The following ARHGEF33 variants were observed in gnomAD, a reference collection of about 807,000 sequenced individuals.
The protein encoded by ARHGEF33 is DH and coiled-coil domain-containing protein ENSP00000381780.
In ARHGEF33, 72 loss-of-function variants were observed where a neutral mutation model predicts 101.9. That is an observed-to-expected ratio of 0.71 (90% CI 0.58 to 0.86). The LOEUF is 0.86. ARHGEF33 is among the 40% of genes least tolerant of loss of function. The probability of loss-of-function intolerance (pLI) is 0.00; values close to 1 mark genes in which losing one functional copy is unlikely to be tolerated. For missense variants in ARHGEF33, 1,169 were observed against 1,111.3 expected, an observed-to-expected ratio of 1.05 and a Z score of -0.74; for synonymous variants, 499 against 442.5, an observed-to-expected ratio of 1.13 and a Z score of -1.60.
At chr2:38,957,422 C>T (rs543296305) in intron 14 of ARHGEF33, among the ~76,000 whole-genome samples, 1 of 152,308 alleles carries the variant, frequency 6.6e-6, no homozygotes, top group African/African-American at 2.4e-5. Context: ...GTGTGTCAGG[C>T]ACTGTTCCAT....
intron 2 of ARHGEF33, among the ~76,000 whole-genome samples, chr2:38,900,857 G>A (rs548929627): frequency 6.6e-6 from 1 of 152,322 alleles, no homozygotes; most frequent in South Asian, 2.1e-4. Context: ...CTTGAATGAA[G>A]ACAGGGTGAT....
chr2:38,941,065 C>T (rs1404878902), intron 9 of ARHGEF33, among the ~76,000 whole-genome samples: 1 of 152,176 alleles, frequency 6.6e-6, no homozygotes, highest in African/African-American at 2.4e-5. Context: ...AGGGAAGTTA[C>T]AAATCTTGCC....
chr2:38,938,321 G>A (rs1475204536), intron 9 of ARHGEF33, among the ~76,000 whole-genome samples: 1 of 152,076 alleles, frequency 6.6e-6, no homozygotes, highest in Non-Finnish European at 1.5e-5. Flanking sequence ...GATCCATTGG[G>A]CCCAGGAGTT....
intron 2 of ARHGEF33, among the ~76,000 whole-genome samples, chr2:38,910,310 C>G (rs530996528): frequency 3.9e-5 from 6 of 152,326 alleles, no homozygotes; most frequent in African/African-American, 1.4e-4. Context: ...GTGGCTCATG[C>G]CTGTAATCCT....
chr2:38,931,129 A>G lies in ARHGEF33; in HGVS notation c.383A>G (p.His128Arg), dbSNP rs1341469874. Residue 128 changes from histidine to arginine, a missense_variant, in exon 7 of 18, where the codon CAC becomes CGC. Transcript: ENST00000409978. The stretch of plus-strand genomic sequence containing the variant: ...CCTAGGAAAACTCAAAAAGAAGAGC[A>G]CAGCTCACAGGCCGGGCCTGCCCAA... Reference protein sequence around the residue: ...VKAKKTQKEEHSSQAGPAQAQ... With the variant: ...VKAKKTQKEERSSQAGPAQAQ... The G allele has an allele frequency of 6.5e-7, 1 of 1,549,488 alleles. No individual in the cohort carries two copies. The highest frequency in any genetic ancestry group is 2.0e-5 in the Admixed American group (1 of 50,286).
In ARHGEF33 at chr2:38,900,969, C is replaced by G. The variant is rs141071896; in HGVS notation, c.-86+5120C>G. 3.9e-5 allele frequency among the ~76,000 whole-genome samples: 6 copies of G among 152,154 alleles called. No individual in the cohort carries two copies. In the East Asian group the frequency reaches 1.2e-3, roughly 29 times the overall value. On this transcript the variant is annotated intron_variant, in intron 2 of 17. Coordinates refer to ENST00000409978, the MANE Select transcript of ARHGEF33 (RefSeq NM_001145451.5). ...CAGCTCTGGCCTCACACTGGCTACA[C>G]TGCTCAGCAAAATGAAAATCCCACA... is the stretch of plus-strand genomic sequence containing the variant.
At chr2:38,957,186 C>G (rs984132684) in intron 14 of ARHGEF33, 139 bp downstream of exon 14, 1 of 1,080,548 alleles carries the variant, frequency 9.3e-7, no homozygotes, top group Non-Finnish European at 1.3e-6. Context: ...AGAGAAAGAG[C>G]TAGTCAGACT....
intron 10 of ARHGEF33, among the ~76,000 whole-genome samples, chr2:38,950,061 A>T (rs1388746100): frequency 6.6e-6 from 1 of 152,190 alleles, no homozygotes; most frequent in Non-Finnish European, 1.5e-5. Context: ...ACATTTCAGT[A>T]TGAGAGTTGG....
At chr2:38,973,041 G>A (rs1055743034) in intron 17 of ARHGEF33, 1 of 152,240 alleles carries the variant, frequency 6.6e-6, no homozygotes, top group Non-Finnish European at 1.5e-5. Context: ...TGGAGAAGGT[G>A]CAGAGCTGGA....
At chr2:38,932,154 G>A (rs913411737) in intron 7 of ARHGEF33, among the ~76,000 whole-genome samples, 1 of 151,658 alleles carries the variant, frequency 6.6e-6, no homozygotes, top group South Asian at 2.1e-4. Flanking sequence ...ACAGAGTCTC[G>A]CTCTGTCACC....
intron 2 of ARHGEF33, among the ~76,000 whole-genome samples, chr2:38,903,864 TA>T (rs1666328646): frequency 6.6e-6 from 1 of 152,218 alleles, no homozygotes. Flanking sequence ...ATCAATTAAT[TA>T]TCAATAATTC....
chr2:38,940,351 C>T (rs1412966525), intron 9 of ARHGEF33, among the ~76,000 whole-genome samples: 2 of 151,816 alleles, frequency 1.3e-5, no homozygotes, highest in Non-Finnish European at 2.9e-5. Context: ...CTGGCCTCAA[C>T]ATCCTGGGCT....
At chr2:38,894,340 A>AG (rs1666073535) in intron 1 of ARHGEF33, among the ~76,000 whole-genome samples, 1 of 151,886 alleles carries the variant, frequency 6.6e-6, no homozygotes, top group Admixed American at 6.6e-5. Context: ...TTTAAAAAAA[A>AG]AAAATGTTGC....
intron 1 of ARHGEF33, among the ~76,000 whole-genome samples, chr2:38,894,861 A>G (rs1375948922): frequency 1.3e-5 from 2 of 152,194 alleles, no homozygotes; most frequent in Admixed American, 6.5e-5. Context: ...GGCAACTAGC[A>G]GTGTCTGTCA....
At chr2:38,932,307 G>A (rs1667025802) in intron 7 of ARHGEF33, among the ~76,000 whole-genome samples, 2 of 152,132 alleles carry the variant, frequency 1.3e-5, no homozygotes, top group Non-Finnish European at 2.9e-5. Flanking sequence ...TGTATTTTTA[G>A]TAGAGACAGG....
chr2:38,955,645 A>T (rs371745), intron 13 of ARHGEF33, among the ~76,000 whole-genome samples: 1 of 151,492 alleles, frequency 6.6e-6, no homozygotes, highest in African/African-American at 2.4e-5. Flanking sequence ...GACTACAGGC[A>T]CTTGCCACCA....
In ARHGEF33 at chr2:38,960,546, CG is replaced by C. The variant is rs1558444660; in HGVS notation, c.2243del (p.Gly748AlafsTer32). The C allele has an allele frequency of 1.6e-6, 2 of 1,255,558 alleles. No individual in the cohort carries two copies. Among genetic ancestry groups the C allele is most frequent in the African/African-American group, 3.2e-5 (2 of 62,366 alleles). The allele number at this position is 1,255,558 out of a possible 1,614,324, so 77.8% of individuals were successfully genotyped here. A position where few individuals can be genotyped will look rare whatever the true frequency, so the allele number is the denominator to read the frequency against. ...AGGCCGAGCGCGCCGCGCAGGCGCA[CG>C]GCCCGGCCGCCGCCGCCGTCGCCGC... ...IKAERAAQAH[G>X]PAAAAVAARG... On this transcript the variant is annotated frameshift_variant, in exon 16 of 18. Coordinates refer to ENST00000409978, the MANE Select transcript of ARHGEF33 (RefSeq NM_001145451.5). LOFTEE classifies it high-confidence loss of function.
At chr2:38,946,632 C>G (rs760418123) in intron 10 of ARHGEF33, among the ~76,000 whole-genome samples, 1 of 151,884 alleles carries the variant, frequency 6.6e-6, no homozygotes, top group African/African-American at 2.4e-5. Context: ...TTATTTCTTT[C>G]TTTATTTTTT....
chr2:38,921,352 A>G (rs1666752144), intron 3 of ARHGEF33, 22 bp from the exon 4 acceptor site: 10 of 1,483,342 alleles, frequency 6.7e-6, no homozygotes, highest in African/African-American at 4.2e-5. Flanking sequence ...TGTTGATTAA[A>G]CAAAGCTCTT....
Sources: allele counts gnomAD v4.1 joint callset (sites outside exome capture counted in the v4.1 genomes callset), GRCh38; gene constraint gnomAD v4.1.1; transcripts MANE v1.5; gene names NCBI Gene and HGNC (gene_info 2026-07-23, HGNC 2026-07-21).